DET1: variants seen among roughly 807,000 people sequenced by gnomAD.
The protein encoded by DET1 is DET1 partner of COP1 E3 ubiquitin ligase, also known as DET1 homolog.
DET1 carries 22 observed loss-of-function variants against 43.7 expected under a neutral mutation model. The ratio of observed to expected loss-of-function variants is 0.50; its 90% CI spans 0.36 to 0.72. DET1 has a LOEUF of 0.72. Among genes scored for constraint, DET1 ranks in the 30% least tolerant of loss-of-function variants. The pLI is 0.00. For synonymous variants in DET1, 315 were observed against 266.2 expected (o/e 1.18, Z -1.79); for missense variants, 713 against 713.3 (o/e 1.00, Z 0.00).
chr15:88,532,771 C>A (rs1417437694), intron 1 of DET1, among the ~76,000 whole-genome samples: 1 of 152,138 alleles, frequency 6.6e-6, no homozygotes, highest in Non-Finnish European at 1.5e-5. Flanking sequence ...CTATCTTACA[C>A]CCTATACAAA....
Position 88,531,446 on chromosome 15 carries a change from T to A in DET1, c.260A>T (p.Tyr87Phe). The part of the protein sequence containing the change: ...SDQTSLEIYE[Y>F]QGCQAAEDLL... Reference sequence around the variant, plus strand: ...GTCCTCTGCTGCCTGGCAGCCCTGGTACTCATAGATTTCAAGAGATGTCTG... The same window carrying A: ...GTCCTCTGCTGCCTGGCAGCCCTGGAACTCATAGATTTCAAGAGATGTCTG... Residue 87 changes from tyrosine to phenylalanine, a missense_variant, in exon 2 of 5, where the codon TAC becomes TTC. By Grantham distance (22) the Tyr-to-Phe change is conservative. Transcript: ENST00000268148. The surrounding 1 kb of genome is among the most constrained non-coding windows in gnomAD (Gnocchi z 6.2). 6.2e-7 allele frequency: 1 copy of A among 1,613,998 alleles called. No individual in the cohort carries two copies. Among genetic ancestry groups the A allele is most frequent in the Admixed American group, 1.7e-5 (1 of 60,020 alleles).
intron 1 of DET1, among the ~76,000 whole-genome samples, chr15:88,539,594 G>A (rs553312172): frequency 1.2e-4 from 19 of 152,238 alleles, no homozygotes; most frequent in African/African-American, 2.9e-4. Flanking sequence ...TCAGGACGTC[G>A]GTATTGCCCA....
At chr15:88,513,595 C>G (rs1471334744) in intron 4 of DET1, among the ~76,000 whole-genome samples, 1 of 148,654 alleles carries the variant, frequency 6.7e-6, no homozygotes, top group Non-Finnish European at 1.5e-5. Flanking sequence ...TTATTTCAAC[C>G]TATAATCAAT....
rs61286439 is a variant in DET1, at chr15:88,524,204, C to T, written c.1271+3395G>A. On this transcript the variant is annotated intron_variant, in intron 3 of 4. Coordinates refer to ENST00000268148, the MANE Select transcript of DET1 (RefSeq NM_001144074.3). ...GAACTGAGGAGTGTCTCTGCCCCACCGCCAGCCCGTCTGGGAGGTGAGGAG... is the reference window on the plus strand; with the variant it reads ...GAACTGAGGAGTGTCTCTGCCCCACTGCCAGCCCGTCTGGGAGGTGAGGAG... 1.3e-3 allele frequency among the ~76,000 whole-genome samples: 199 copies of T among 151,806 alleles called. 4 individuals are homozygous for T. In the East Asian group the frequency reaches 0.028, roughly 22 times the overall value.
chr15:88,524,212 C>T (rs2056592006), intron 3 of DET1, among the ~76,000 whole-genome samples: 1 of 151,868 alleles, frequency 6.6e-6, no homozygotes, highest in South Asian at 2.1e-4. Flanking sequence ...ACCGCCAGCC[C>T]GTCTGGGAGG....
At chr15:88,517,090 C>T (rs1451644731) in intron 3 of DET1, 117 bp from the exon 4 acceptor site, 2 of 747,078 alleles carry the variant, frequency 2.7e-6, no homozygotes, top group African/African-American at 3.7e-5. Flanking sequence ...AAATTAAAAC[C>T]TAGGTAATGA....
Position 88,512,818 on chromosome 15 carries a change from GCT to G in DET1, c.*131_*132del. 1 of 1,444,984 alleles carries G rather than the reference GCT, an allele frequency of 6.9e-7. No homozygotes were observed. Among genetic ancestry groups the G allele is most frequent in the South Asian group, 1.5e-5 (1 of 65,216 alleles). 89.5% of individuals were successfully genotyped at this position (1,444,984 alleles called of 1,614,324 possible). A position where few individuals can be genotyped will look rare whatever the true frequency, so the allele number is the denominator to read the frequency against. ...TGAGCCACCCTCACTCCTCTCTCTG[GCT>G]CTCTCCCATCTGAGGTATAGCAGGC... On this transcript the variant is annotated 3_prime_UTR_variant, in exon 5 of 5. Transcript: ENST00000268148.
chr15:88,502,812 AAG>A (rs1339542032), intron 8 of DET1: 2 of 152,164 alleles, frequency 1.3e-5, no homozygotes, highest in Non-Finnish European at 2.9e-5. Flanking sequence ...ACCTCTTTCT[AAG>A]AGAGAGAGAG....
intron 7 of DET1, chr15:88,505,343 C>T (rs2056128731): frequency 6.6e-6 from 1 of 152,192 alleles, no homozygotes; most frequent in African/African-American, 2.4e-5. Context: ...ACTTCATTTA[C>T]TAGTGGGTAT....
chr15:88,531,527 CAAG>C lies in DET1; in HGVS notation c.176_178del (p.Pro59_Cys60delinsArg). 2 of 1,613,990 alleles carry C rather than the reference CAAG, an allele frequency of 1.2e-6. No homozygotes were observed. The highest frequency in any genetic ancestry group is 1.7e-6 in the Non-Finnish European group (2 of 1,179,886). On this transcript the variant is annotated inframe_deletion, in exon 2 of 5. Coordinates refer to ENST00000268148, the MANE Select transcript of DET1 (RefSeq NM_001144074.3). The surrounding 1 kb of genome is among the most constrained non-coding windows in gnomAD (Gnocchi z 6.2). ...ATCAGGTGAGAATTTACGCAAGAAA[CAAG>C]GAGGCTTTTCAACGTTGACAACTGT...
At position 88,531,268 on chromosome 15, in the gene DET1, G is replaced by A. The variant is rs1286629647; in HGVS notation, c.438C>T (p.Leu146=). ...NGEHLNRECS[L]FTDDCRCVIV... ...TGACACAGCGGCAGTCATCAGTGAA[G>A]AGACTACACTCCCGGTTCAGGTGCT... The change falls in exon 2 of 5, where the codon CTC becomes CTT. Residue 146 remains leucine, a synonymous_variant. Transcript: ENST00000268148. The surrounding 1 kb of genome is among the most constrained non-coding windows in gnomAD (Gnocchi z 6.2). The A allele has an allele frequency of 6.2e-7, 1 of 1,613,892 alleles. No individual in the cohort carries two copies. Among genetic ancestry groups the A allele is most frequent in the South Asian group, 1.1e-5 (1 of 91,072 alleles).
rs962233631 is a variant in DET1 at position 88,544,849 on chromosome 15, T to A, written c.-11+1691A>T. Among the ~76,000 whole-genome samples the A allele has an allele frequency of 2.6e-5, 4 of 152,154 alleles. No individual in the cohort carries two copies. The East Asian group carries it at 7.7e-4, about 29-fold the overall frequency. On this transcript the variant is annotated intron_variant, in intron 1 of 4. Coordinates refer to ENST00000268148, the MANE Select transcript of DET1 (RefSeq NM_001144074.3). ...AGGAAGTCTCCTTTGCAGTTGATTT[T>A]ATGTATACTGTTCCCAAAGCCAGCC...
At chr15:88,522,821 G>A (rs887342361) in intron 3 of DET1, among the ~76,000 whole-genome samples, 2 of 151,004 alleles carry the variant, frequency 1.3e-5, no homozygotes, top group Non-Finnish European at 3.0e-5. Flanking sequence ...CACCCGGCTG[G>A]AATGTTCCTG....
chr15:88,541,451 C>G (rs2057104373), intron 1 of DET1, among the ~76,000 whole-genome samples: 1 of 151,744 alleles, frequency 6.6e-6, no homozygotes. Flanking sequence ...GTGTCTTTTT[C>G]TTTTCCAAAT....
rs376551191 is a variant in DET1 at position 88,533,313 on chromosome 15, T to C, written c.-10-1598A>G. Among the ~76,000 whole-genome samples, 111 of 152,342 alleles carry C rather than the reference T, an allele frequency of 7.3e-4. No individual in the cohort carries two copies. The South Asian group carries it at 0.021, about 29-fold the overall frequency. Reference sequence around the variant, plus strand: ...AGTTTCATTGAGGACATAGAGGAAGTTGAACCCTTGTGCATTGTTGGTGGA... The same window carrying C: ...AGTTTCATTGAGGACATAGAGGAAGCTGAACCCTTGTGCATTGTTGGTGGA... On this transcript the variant is annotated intron_variant, in intron 1 of 4. Transcript: ENST00000268148.
At chr15:88,502,746 G>C (rs937427858) in intron 8 of DET1, 2 of 152,236 alleles carry the variant, frequency 1.3e-5, no homozygotes, top group African/African-American at 4.8e-5. Context: ...CATACTCAAA[G>C]ACTGGTTTCC....
chr15:88,539,144 C>G (rs1000015123), intron 1 of DET1, among the ~76,000 whole-genome samples: 1 of 151,610 alleles, frequency 6.6e-6, no homozygotes, highest in East Asian at 1.9e-4. Flanking sequence ...CTTGGAGAAT[C>G]TCCAGGAAAG....
At position 88,531,045 on chromosome 15, in the gene DET1, C is replaced by T. The variant is rs2056798336; in HGVS notation, c.661G>A (p.Gly221Arg). 1 of 1,613,612 alleles carries T rather than the reference C, an allele frequency of 6.2e-7. No homozygotes were observed. The highest frequency in any genetic ancestry group is 1.3e-5 in the African/African-American group (1 of 74,918). Reference protein sequence around the residue: ...CDKVVLSHNQGLYLYKNILAI... With the variant: ...CDKVVLSHNQRLYLYKNILAI... Reference sequence around the variant, plus strand: ...AGGATGTTTTTGTACAAGTACAGCCCTTGGTTGTGTGACAAGACCACCTTG... The same window carrying T: ...AGGATGTTTTTGTACAAGTACAGCCTTTGGTTGTGTGACAAGACCACCTTG... The change falls in exon 2 of 5, where the codon GGG becomes AGG. Residue 221 changes from glycine (G) to arginine (R), a missense_variant. By Grantham distance (125) the Gly-to-Arg change is moderately radical. Transcript: ENST00000268148. The surrounding 1 kb of genome is among the most constrained non-coding windows in gnomAD (Gnocchi z 6.2).
At chr15:88,525,295 A>T (rs999831733) in intron 3 of DET1, among the ~76,000 whole-genome samples, 5 of 152,254 alleles carry the variant, frequency 3.3e-5, no homozygotes, top group Non-Finnish European at 7.3e-5. Context: ...AAAAAAATTT[A>T]AAAATCGACT....
Sources: allele counts gnomAD v4.1 joint callset (sites outside exome capture counted in the v4.1 genomes callset), GRCh38; gene constraint gnomAD v4.1.1; non-coding constraint Gnocchi (gnomAD v3.1); transcripts MANE v1.5; gene names NCBI Gene and HGNC (gene_info 2026-07-23, HGNC 2026-07-21).